Variants in PLIN4 observed in about 807,000 individuals in gnomAD.
The protein encoded by PLIN4 is perilipin 4.
In PLIN4, 57 loss-of-function variants were observed where a neutral mutation model predicts 52.4. That is an observed-to-expected ratio of 1.09 (90% CI 0.88 to 1.36). The LOEUF (loss-of-function observed/expected upper bound fraction) is 1.36, where lower values mean the gene tolerates loss of function less well. Ranked by LOEUF, PLIN4 falls within the 40% of genes most tolerant of loss-of-function variation. PLIN4 has a pLI of 0.00. For synonymous variants in PLIN4, 826 were observed against 785.4 expected, an observed-to-expected ratio of 1.05 and a Z score of -0.86; for missense variants, 1,757 against 1,770.3, an observed-to-expected ratio of 0.99 and a Z score of 0.13.
chr19:4,510,697 G>C lies in PLIN4; in HGVS notation c.3263C>G (p.Pro1088Arg). Reference protein sequence around the residue: ...EQTALSPQEAPFSGISTPPDV... With the variant: ...EQTALSPQEARFSGISTPPDV... ...CGGGGGCGTGGAGATGCCAGAGAAC[G>C]GGGCCTCTTGGGGGCTCAGGGCAGT... is the stretch of plus-strand genomic sequence containing the variant. The change falls in exon 5 of 8, where the codon CCG becomes CGG. Residue 1088 changes from proline to arginine, a missense_variant. Physicochemically the swap from Pro to Arg is moderately radical, Grantham distance 103 (BLOSUM62 -2). Coordinates refer to ENST00000301286, the MANE Select transcript of PLIN4 (RefSeq NM_001367868.2). 6.6e-7 allele frequency: 1 copy of C among 1,523,116 alleles called. No homozygotes were observed. The highest frequency in any genetic ancestry group is 8.8e-7 in the Non-Finnish European group (1 of 1,138,840). 94.4% of individuals were successfully genotyped at this position (1,523,116 alleles called of 1,614,324 possible). A position where few individuals can be genotyped will look rare whatever the true frequency, so the allele number is the denominator to read the frequency against.
At position 4,512,470 on chromosome 19, in the gene PLIN4, C is replaced by G. The variant is rs757275850; in HGVS notation, c.1490G>C (p.Gly497Ala). 6.2e-7 allele frequency: 1 copy of G among 1,605,888 alleles called. No homozygotes were observed. The highest frequency in any genetic ancestry group is 1.4e-5 in the African/African-American group (1 of 73,512). ...GLDTTKSVLT[G>A]TKDAVSTGLT... ...CCCAGTGGACACAGCATCTTTAGTG[C>G]CAGTCAGGACAGACTTTGTAGTGTC... is the stretch of plus-strand genomic sequence containing the variant. Residue 497 changes from glycine to alanine, a missense_variant, in exon 5 of 8, where the codon GGC becomes GCC. By Grantham distance (60) the Gly-to-Ala change is moderately conservative. This residue lies in a region of PLIN4 where 439 missense variants were observed against 406.4 expected (regional missense o/e 1.08). Coordinates refer to ENST00000301286, the MANE Select transcript of PLIN4 (RefSeq NM_001367868.2).
chr19:4,516,193 T>A (rs1179355901), intron 4 of PLIN4, among the ~76,000 whole-genome samples: 1 of 152,158 alleles, frequency 6.6e-6, no homozygotes, highest in Non-Finnish European at 1.5e-5. Context: ...GGCAGGAGAA[T>A]CGCTTGAACC....
In PLIN4 at chr19:4,503,674, C is replaced by G. The variant is rs1975997183; in HGVS notation, c.*785G>C. ...CCCAGGGGCCTCAGAGCCCCAGGTGCCTGGGGCAGGCCTGTGGTGGGCAGC... is the reference window on the plus strand; with the variant it reads ...CCCAGGGGCCTCAGAGCCCCAGGTGGCTGGGGCAGGCCTGTGGTGGGCAGC... On this transcript the variant is annotated 3_prime_UTR_variant, in exon 8 of 8. Coordinates refer to ENST00000301286, the MANE Select transcript of PLIN4 (RefSeq NM_001367868.2). 1 of 152,416 alleles carries G rather than the reference C, an allele frequency of 6.6e-6. No individual in the cohort carries two copies. The highest frequency in any genetic ancestry group is 2.4e-5 in the African/African-American group (1 of 41,442). The allele number at this position is 152,416 out of a possible 1,614,324, so 9.4% of individuals were successfully genotyped here. A position where few individuals can be genotyped will look rare whatever the true frequency, so the allele number is the denominator to read the frequency against.
chr19:4,516,069 GTTGGAGACCAGCCTGGTGAAACCAAC>G (rs1976574171), intron 4 of PLIN4, among the ~76,000 whole-genome samples: 1 of 149,902 alleles, frequency 6.7e-6, no homozygotes. Flanking sequence ...GAGGTCAGGA[GTTGGAGACCAGCCTGGTGAAACCAAC>G]ATGGTGAAAC....
At position 4,508,883 on chromosome 19, in the gene PLIN4, C is replaced by A; in HGVS notation, c.3587G>T (p.Gly1196Val). 6.2e-7 allele frequency: 1 copy of A among 1,613,174 alleles called. No individual in the cohort carries two copies. The highest frequency in any genetic ancestry group is 1.3e-5 in the African/African-American group (1 of 75,046). The change falls in exon 6 of 8, where the codon GGT (glycine) becomes GTT (valine). Residue 1196 changes from glycine to valine, a missense_variant. This residue lies in a region of PLIN4 where 712 missense variants were observed against 637.1 expected (regional missense o/e 1.12). Coordinates refer to ENST00000301286, the MANE Select transcript of PLIN4 (RefSeq NM_001367868.2). The part of the protein sequence containing the change: ...AEQGSYFVRL[G>V]DLGPSFRQRA... ...CTGGCGGAAGCTGGGACCCAGGTCACCTAAACGAACGAAGTAGCTCCCCTG... is the reference window on the plus strand; with the variant it reads ...CTGGCGGAAGCTGGGACCCAGGTCAACTAAACGAACGAAGTAGCTCCCCTG...
Position 4,502,397 on chromosome 19 carries a change from G to T in PLIN4, c.*2062C>A. 5.7e-6 allele frequency: 2 copies of T among 350,080 alleles called. No homozygotes were observed. The highest frequency in any genetic ancestry group is 4.7e-5 in the South Asian group (2 of 42,440). The allele number at this position is 350,080 out of a possible 1,614,324, so 21.7% of individuals were successfully genotyped here. A position where few individuals can be genotyped will look rare whatever the true frequency, so the allele number is the denominator to read the frequency against. On this transcript the variant is annotated 3_prime_UTR_variant, in exon 8 of 8. Transcript: ENST00000301286. Reference sequence around the variant, plus strand: ...GGCCAGTGGCAGGAGAGCTGGGCGGGAGCAAGCTCTTCCCAGGAGACAAGA... The same window carrying T: ...GGCCAGTGGCAGGAGAGCTGGGCGGTAGCAAGCTCTTCCCAGGAGACAAGA...
intron 6 of PLIN4, among the ~76,000 whole-genome samples, chr19:4,505,567 GTT>G (rs955312747): frequency 1.3e-5 from 2 of 152,164 alleles, no homozygotes; most frequent in African/African-American, 4.8e-5. Flanking sequence ...TTGACTTGGT[GTT>G]TATCCGCCCC....
chr19:4,510,922 T>TG lies in PLIN4; in HGVS notation c.3037dup (p.Gln1013ProfsTer46). ...TGTCTTGGTGGTGTCCAGGCCCCCC[T>TG]GGACGGCCCCTTTGGCCATGCTCAT... On this transcript the variant is annotated frameshift_variant, in exon 5 of 8. Coordinates refer to ENST00000301286, the MANE Select transcript of PLIN4 (RefSeq NM_001367868.2). LOFTEE classifies it high-confidence loss of function. The TG allele has an allele frequency of 6.2e-7, 1 of 1,613,586 alleles. No homozygotes were observed. Among genetic ancestry groups the TG allele is most frequent in the Non-Finnish European group, 8.5e-7 (1 of 1,179,860 alleles).
Position 4,512,567 on chromosome 19 carries a change from T to G in PLIN4, c.1393A>C (p.Thr465Pro), listed in dbSNP as rs376010326. Residue 465 changes from threonine (T) to proline (P), a missense_variant, in exon 5 of 8, where the codon ACC becomes CCC. Physicochemically the swap from Thr to Pro is conservative, Grantham distance 38. Transcript: ENST00000301286. Reference sequence around the variant, plus strand: ...ACCCCACTGCAGACAGTGTCCTTGGTACCAGTTAGAACGATCTTGGTGGTG... The same window carrying G: ...ACCCCACTGCAGACAGTGTCCTTGGGACCAGTTAGAACGATCTTGGTGGTG... ...VDTTKIVLTG[T>P]KDTVCSGVTG... is the part of the protein sequence containing the mutation. 6 of 1,610,956 alleles carry G rather than the reference T, an allele frequency of 3.7e-6. No individual in the cohort carries two copies. Among genetic ancestry groups the G allele is most frequent in the Non-Finnish European group, 5.1e-6 (6 of 1,178,410 alleles).
chr19:4,511,497 GGCC>G lies in PLIN4; in HGVS notation c.2460_2462del (p.Ala821del), dbSNP rs1976340157. ...CCTTGGTACCGGTCAGCACGGTCTT[GGCC>G]GTGTCTACACCCATCTGGACGGCCC... On this transcript the variant is annotated inframe_deletion, in exon 5 of 8. Transcript: ENST00000301286. 2.0e-6 allele frequency: 3 copies of G among 1,537,744 alleles called. No individual in the cohort carries two copies. The highest frequency in any genetic ancestry group is 1.8e-4 in the Middle Eastern group (1 of 5,714).
At position 4,504,985 on chromosome 19, in the gene PLIN4, G is replaced by C. The variant is rs1272988323; in HGVS notation, c.3703-38C>G. 12 of 1,551,618 alleles carry C rather than the reference G, an allele frequency of 7.7e-6. No individual in the cohort carries two copies. In the Admixed American group the frequency reaches 2.3e-4, roughly 29 times the overall value. Reference sequence around the variant, plus strand: ...TACAGTGGGGAAATGATGGCTTCTTGGCAAATGACCTTTCACAACCCCCAC... The same window carrying C: ...TACAGTGGGGAAATGATGGCTTCTTCGCAAATGACCTTTCACAACCCCCAC... On this transcript the variant is annotated intron_variant, in intron 6 of 7. Transcript: ENST00000301286.
Position 4,510,969 on chromosome 19 carries a change from GAC to G in PLIN4, c.2989_2990del (p.Val997LeufsTer61), listed in dbSNP as rs1480106886. On this transcript the variant is annotated frameshift_variant, in exon 5 of 8. Coordinates refer to ENST00000301286, the MANE Select transcript of PLIN4 (RefSeq NM_001367868.2). LOFTEE classifies it high-confidence loss of function. ...KAVLMGTKDT[V>X]FSGVTGAMSM... ...TCATGGCACCGGTAACCCCACTGAA[GAC>G]AGTGTCCTTGGTACCCATAAGCACA... 3.1e-6 allele frequency: 5 copies of G among 1,612,528 alleles called. No homozygotes were observed. Among genetic ancestry groups the G allele is most frequent in the Non-Finnish European group, 4.2e-6 (5 of 1,179,590 alleles).
At chr19:4,510,282 C>T (rs1000910092) in intron 5 of PLIN4, among the ~76,000 whole-genome samples, 164 bp downstream of exon 5, 2 of 151,104 alleles carry the variant, frequency 1.3e-5, no homozygotes, top group African/African-American at 2.4e-5. Flanking sequence ...AGGAGGATGG[C>T]GTGAACCCGG....
At chr19:4,505,402 G>T (rs1976062226) in intron 6 of PLIN4, among the ~76,000 whole-genome samples, 1 of 152,168 alleles carries the variant, frequency 6.6e-6, no homozygotes, top group African/African-American at 2.4e-5. Flanking sequence ...ACTCAGCCGG[G>T]AGCCTGCTTC....
At chr19:4,507,338 A>C (rs1420040063) in intron 6 of PLIN4, among the ~76,000 whole-genome samples, 1 of 152,210 alleles carries the variant, frequency 6.6e-6, no homozygotes, top group East Asian at 1.9e-4. Context: ...TTGGGAGGCC[A>C]AGGCAAGAGG....
chr19:4,502,774 G>GT lies in PLIN4; in HGVS notation c.*1684_*1685insA. ...GCATAAGGGGCTGTCACGTGGGCACGGTCCCAAGCAAGTCACCCCGTGCTC... is the reference window on the plus strand; with the variant it reads ...GCATAAGGGGCTGTCACGTGGGCACGTGTCCCAAGCAAGTCACCCCGTGCTC... On this transcript the variant is annotated 3_prime_UTR_variant, in exon 8 of 8. Transcript: ENST00000301286. 6.5e-6 allele frequency: 1 copy of GT among 153,160 alleles called. No homozygotes were observed. Among genetic ancestry groups the GT allele is most frequent in the East Asian group, 1.9e-4 (1 of 5,188 alleles). 9.5% of individuals were successfully genotyped at this position (153,160 alleles called of 1,614,324 possible). A position where few individuals can be genotyped will look rare whatever the true frequency, so the allele number is the denominator to read the frequency against.
rs1976371507 is a variant in PLIN4, at chr19:4,511,780, G to A, written c.2180C>T (p.Thr727Ile). The A allele has an allele frequency of 2.5e-6, 4 of 1,604,618 alleles. No individual in the cohort carries two copies. Among genetic ancestry groups the A allele is most frequent in the Non-Finnish European group, 3.4e-6 (4 of 1,176,978 alleles). ...TSVDTTKTVL[T>I]GTKDTVCSGV... ...ACTGCAGACGGTGTCCTTGGTACCA[G>A]TTAGGACAGTCTTGGTGGTGTCCAC... Residue 727 changes from threonine (T) to isoleucine (I), a missense_variant, in exon 5 of 8, where the codon ACT becomes ATT. Physicochemically the swap from Thr to Ile is moderately conservative, Grantham distance 89. Around this residue, in one of 7 missense-constraint regions of PLIN4, gnomAD observed 96 missense variants for 136.5 expected, o/e 0.70. Coordinates refer to ENST00000301286, the MANE Select transcript of PLIN4 (RefSeq NM_001367868.2).
At position 4,512,647 on chromosome 19, in the gene PLIN4, C is replaced by T; in HGVS notation, c.1313G>A (p.Ser438Asn). ...CAAATTCATGGCACCAGTCACCCCA[C>T]TGCAGACGGTGTCCTTTGTACCTGT... The part of the protein sequence containing the change: ...IATGTKDTVC[S>N]GVTGAMNLAR... Residue 438 changes from serine to asparagine, a missense_variant, in exon 5 of 8, where the codon AGT becomes AAT. Physicochemically the swap from Ser to Asn is conservative, Grantham distance 46 (BLOSUM62 1). This residue lies in a region of PLIN4 where 439 missense variants were observed against 406.4 expected (regional missense o/e 1.08). Transcript: ENST00000301286. The T allele has an allele frequency of 6.3e-7, 1 of 1,579,560 alleles. No homozygotes were observed. Among genetic ancestry groups the T allele is most frequent in the Non-Finnish European group, 8.6e-7 (1 of 1,163,392 alleles).
chr19:4,506,680 T>G lies in PLIN4; in HGVS notation c.3703-1733A>C, dbSNP rs535567020. Among the ~76,000 whole-genome samples, 15 of 152,354 alleles carry G rather than the reference T, an allele frequency of 9.8e-5. No homozygotes were observed. In the South Asian group the frequency reaches 3.1e-3, roughly 32 times the overall value. ...GCAAAGCTCTTCTCTTCCTGTGGCC[T>G]CCTTCTCCCCTTCTGAAGAGTGCCT... is the stretch of plus-strand genomic sequence containing the variant. On this transcript the variant is annotated intron_variant, in intron 6 of 7. Transcript: ENST00000301286.
Sources: gnomAD v4.1 joint callset for allele counts (sites outside exome capture counted in the v4.1 genomes callset) on GRCh38, gnomAD v4.1.1 for gene constraint, gnomAD v4.1.1 regional missense constraint, MANE v1.5 for transcripts, NCBI Gene and HGNC (gene_info 2026-07-23, HGNC 2026-07-21) for gene names.